Variants in CELSR2 observed in about 807,000 individuals in gnomAD.
CELSR2 encodes the protein cadherin EGF LAG seven-pass G-type receptor 2.
Under a neutral mutation model 251.6 loss-of-function variants are expected in CELSR2, and 81 were observed. That is an observed-to-expected ratio of 0.32 (90% CI 0.27 to 0.39). The LOEUF is 0.39. Ranked by LOEUF, CELSR2 falls within the 10% of genes least tolerant of loss-of-function variation. The pLI is 1.00. For missense variants in CELSR2, 3,365 were observed against 3,947.7 expected (o/e 0.85, Z 3.96); for synonymous variants, 1,721 against 1,670.5 (o/e 1.03, Z -0.74).
chr1:109,258,067 A>AT (rs1478264016), intron 1 of CELSR2, among the ~76,000 whole-genome samples: 1 of 151,958 alleles, frequency 6.6e-6, no homozygotes, highest in African/African-American at 2.4e-5. Context: ...CAGGGGGATG[A>AT]TTTTTGTGGG....
At chr1:109,268,331 CAT>C (rs1426453375) in intron 17 of CELSR2, among the ~76,000 whole-genome samples, 4 of 152,314 alleles carry the variant, frequency 2.6e-5, no homozygotes, top group Non-Finnish European at 4.4e-5. Context: ...TATCTCAGGA[CAT>C]GTGTGTGGGT....
At chr1:109,263,517 T>C in intron 8 of CELSR2, 94 bp from the exon 9 acceptor site, 1 of 1,522,470 alleles carries the variant, frequency 6.6e-7, no homozygotes, top group African/African-American at 1.4e-5. Context: ...GGGAGTGGGC[T>C]CTGCCTCCCG....
At chr1:109,255,091 A>T (rs1040506344) in intron 1 of CELSR2, among the ~76,000 whole-genome samples, 1 of 152,028 alleles carries the variant, frequency 6.6e-6, no homozygotes, top group African/African-American at 2.4e-5. Flanking sequence ...AACATCCAGG[A>T]CGGCTCCTCC....
intron 13 of CELSR2, 138 bp from the exon 14 acceptor site, chr1:109,265,597 G>T: frequency 9.5e-7 from 1 of 1,053,430 alleles, no homozygotes; most frequent in Non-Finnish European, 1.4e-6. Context: ...AGCATTGCTA[G>T]TGTTAATTAT....
Position 109,274,293 on chromosome 1 carries a change from C to T in CELSR2, c.*244C>T. The T allele has an allele frequency of 1.2e-6, 1 of 860,952 alleles. No homozygotes were observed. Among genetic ancestry groups the T allele is most frequent in the South Asian group, 2.4e-5 (1 of 41,428 alleles). The allele number at this position is 860,952 out of a possible 1,614,324, so 53.3% of individuals were successfully genotyped here. On this transcript the variant is annotated 3_prime_UTR_variant, in exon 34 of 34. Transcript: ENST00000271332. The stretch of plus-strand genomic sequence containing the variant: ...CTTTGGACCCCTGGGGCCAACATCT[C>T]CAAGACAAAGTTTTTCAGAAAAGAG...
At chr1:109,271,337 C>G in intron 26 of CELSR2, 41 bp downstream of exon 26, 2 of 1,613,802 alleles carry the variant, frequency 1.2e-6, no homozygotes, top group South Asian at 2.2e-5. Flanking sequence ...GGGCAGGCAC[C>G]AGCATGGGAG....
chr1:109,261,724 G>T lies in CELSR2; in HGVS notation c.4298-84G>T. 6.5e-7 allele frequency: 1 copy of T among 1,547,912 alleles called. No homozygotes were observed. The highest frequency in any genetic ancestry group is 8.9e-7 in the Non-Finnish European group (1 of 1,129,562). On this transcript the variant is annotated intron_variant, in intron 4 of 33. Coordinates refer to ENST00000271332, the MANE Select transcript of CELSR2 (RefSeq NM_001408.3). The surrounding 1 kb of genome is among the most constrained non-coding windows in gnomAD (Gnocchi z 4.8). ...CCACATACTCTATCAGCCAAATCTG[G>T]GCCCAGCCCCAGCCACTGGCACCCC...
chr1:109,249,542 G>A lies in CELSR2; in HGVS notation c.-538G>A, dbSNP rs1655609714. ...AATGAGCCGCCGCCGCGACTCTGCA[G>A]AGCTCGCCCGCCCGCCGGGGAGGCG... On this transcript the variant is annotated 5_prime_UTR_variant, in exon 1 of 34. Transcript: ENST00000271332. 6.6e-6 allele frequency among the ~76,000 whole-genome samples: 1 copy of A among 150,870 alleles called. No individual in the cohort carries two copies.
Position 109,263,241 on chromosome 1 carries a change from G to A in CELSR2, c.4808G>A (p.Gly1603Asp). The part of the protein sequence containing the change: ...WDAFSCECPL[G>D]FGGKSCAQEM... ...GCGTTCAGCTGCGAGTGCCCCCTGG[G>A]CTTTGGGGGCAAGAGCTGCGCCCAG... is the stretch of plus-strand genomic sequence containing the variant. The change falls in exon 8 of 34, where the codon GGC (glycine) becomes GAC (aspartate). Residue 1603 changes from glycine to aspartate, a missense_variant. By Grantham distance (94) the Gly-to-Asp change is moderately conservative. Coordinates refer to ENST00000271332, the MANE Select transcript of CELSR2 (RefSeq NM_001408.3). 1 of 1,586,354 alleles carries A rather than the reference G, an allele frequency of 6.3e-7. No individual in the cohort carries two copies. Among genetic ancestry groups the A allele is most frequent in the South Asian group, 1.1e-5 (1 of 90,036 alleles).
rs1287776706 is a variant in CELSR2 at position 109,265,903 on chromosome 1, A to G, written c.5896A>G (p.Thr1966Ala). 3 of 1,612,184 alleles carry G rather than the reference A, an allele frequency of 1.9e-6. No homozygotes were observed. The African/African-American group carries it at 4.0e-5, about 22-fold the overall frequency. The change falls in exon 14 of 34, where the codon ACC (threonine) becomes GCC (alanine). Residue 1966 changes from threonine (T) to alanine (A), a missense_variant. By Grantham distance (58) the Thr-to-Ala change is moderately conservative (BLOSUM62 0). Transcript: ENST00000271332. ...TGACAACCCTTTTGCTGAGGTCACCACCAATGGCTGTGAAGGTGGGGCTCC... is the reference window on the plus strand; with the variant it reads ...TGACAACCCTTTTGCTGAGGTCACCGCCAATGGCTGTGAAGGTGGGGCTCC... ...RCDNPFAEVTTNGCEVNYDSC... is the reference protein window; with the variant it reads ...RCDNPFAEVTANGCEVNYDSC...
Position 109,250,068 on chromosome 1 carries a change from G to GC in CELSR2, c.-12_-11insC. The GC allele has an allele frequency of 7.2e-7, 1 of 1,394,350 alleles. No homozygotes were observed. The highest frequency in any genetic ancestry group is 1.6e-5 in the South Asian group (1 of 62,060). 86.4% of individuals were successfully genotyped at this position (1,394,350 alleles called of 1,614,324 possible). A position where few individuals can be genotyped will look rare whatever the true frequency, so the allele number is the denominator to read the frequency against. ...CGCCGTTGACCCGGCCGCCGGCCGGGAGCTGGGAGAGATGCGGAGCCCGGC... is the reference window on the plus strand; with the variant it reads ...CGCCGTTGACCCGGCCGCCGGCCGGGCAGCTGGGAGAGATGCGGAGCCCGGC... On this transcript the variant is annotated 5_prime_UTR_variant, in exon 1 of 34. Coordinates refer to ENST00000271332, the MANE Select transcript of CELSR2 (RefSeq NM_001408.3). The surrounding 1 kb of genome is among the most constrained non-coding windows in gnomAD (Gnocchi z 4.4).
In CELSR2 at chr1:109,261,056, G is replaced by A; in HGVS notation, c.3973G>A (p.Val1325Met). The part of the protein sequence containing the change: ...RDGYTGEHCE[V>M]SARSGRCTPG... ...CTCTTGTCCAGGTGAGCACTGTGAG[G>A]TGAGTGCTCGCTCAGGCCGTTGCAC... is the stretch of plus-strand genomic sequence containing the variant. The change falls in exon 3 of 34, where the codon GTG becomes ATG. Residue 1325 changes from valine to methionine, a missense_variant. By Grantham distance (21) the Val-to-Met change is conservative. This residue lies in a region of CELSR2 where 2,093 missense variants were observed against 2,382.8 expected (regional missense o/e 0.88). Coordinates refer to ENST00000271332, the MANE Select transcript of CELSR2 (RefSeq NM_001408.3). This position sits in a 1 kb window ranked among gnomAD's most constrained non-coding sequence, Gnocchi z 4.8. 2.5e-6 allele frequency: 4 copies of A among 1,612,210 alleles called. No homozygotes were observed. Among genetic ancestry groups the A allele is most frequent in the Non-Finnish European group, 3.4e-6 (4 of 1,178,784 alleles).
chr1:109,273,724 G>C, intron 33 of CELSR2, 54 bp downstream of exon 33: 1 of 1,368,094 alleles, frequency 7.3e-7, no homozygotes. Context: ...GGCCTCACCT[G>C]GGCCCAGAGC....
chr1:109,251,041 A>G lies in CELSR2; in HGVS notation c.962A>G (p.Asn321Ser). 7 of 1,613,430 alleles carry G rather than the reference A, an allele frequency of 4.3e-6. No homozygotes were observed. The highest frequency in any genetic ancestry group is 5.9e-6 in the Non-Finnish European group (7 of 1,179,926). Residue 321 changes from asparagine to serine, a missense_variant, in exon 1 of 34, where the codon AAT becomes AGT. This residue lies in a region of CELSR2 where 704 missense variants were observed against 784.1 expected (regional missense o/e 0.90). Coordinates refer to ENST00000271332, the MANE Select transcript of CELSR2 (RefSeq NM_001408.3). This position sits in a 1 kb window ranked among gnomAD's most constrained non-coding sequence, Gnocchi z 4.9. ...GCCACGGATGGTGATGCCCCTCCCA[A>G]TGCCAATATTCTGTACCGCCTGCTG... Reference protein sequence around the residue: ...VRATDGDAPPNANILYRLLEG... With the variant: ...VRATDGDAPPSANILYRLLEG...
Position 109,262,277 on chromosome 1 carries a change from C to G in CELSR2, c.4387-10C>G. ...CAGTGTCCCCCTTCTCTGCTCTTTCCTGTCCACAGCCACTGTTGGGTCAGA... is the reference window on the plus strand; with the variant it reads ...CAGTGTCCCCCTTCTCTGCTCTTTCGTGTCCACAGCCACTGTTGGGTCAGA... On this transcript the variant is annotated splice_polypyrimidine_tract_variant and intron_variant, in intron 5 of 33. Transcript: ENST00000271332. 1 of 1,613,222 alleles carries G rather than the reference C, an allele frequency of 6.2e-7. No individual in the cohort carries two copies. The highest frequency in any genetic ancestry group is 1.7e-5 in the Admixed American group (1 of 60,002).
Position 109,264,903 on chromosome 1 carries a change from C to T in CELSR2, c.5500C>T (p.Leu1834=). ...TGACAACTGTACTAATGTGTGTGAC[C>T]TGAACCCGTGTGAGCACCAGTCTGT... ...YGDNCTNVCD[L]NPCEHQSVCT... is the part of the protein sequence containing the mutation. The change falls in exon 12 of 34, where the codon CTG becomes TTG. Residue 1834 remains leucine, a synonymous_variant. Transcript: ENST00000271332. 6.2e-7 allele frequency: 1 copy of T among 1,614,206 alleles called. No homozygotes were observed. The highest frequency in any genetic ancestry group is 8.5e-7 in the Non-Finnish European group (1 of 1,180,034).
At chr1:109,264,423 C>T in intron 10 of CELSR2, 31 bp from the exon 11 acceptor site, 1 of 1,600,550 alleles carries the variant, frequency 6.2e-7, no homozygotes, top group Admixed American at 1.7e-5. Context: ...CCCCGCTCCA[C>T]TGAGGGCAAC....
In CELSR2 at chr1:109,249,733, G is replaced by A. The variant is rs1176648894; in HGVS notation, c.-347G>A. 6.7e-6 allele frequency among the ~76,000 whole-genome samples: 1 copy of A among 149,122 alleles called. No homozygotes were observed. The highest frequency in any genetic ancestry group is 1.5e-5 in the Non-Finnish European group (1 of 66,958). On this transcript the variant is annotated 5_prime_UTR_variant, in exon 1 of 34. Transcript: ENST00000271332. Reference sequence around the variant, plus strand: ...GTGGGCGATCCCATAGGGGCGGAGGGGGCACCCCGGCTCCGGAACCCGGGG... The same window carrying A: ...GTGGGCGATCCCATAGGGGCGGAGGAGGCACCCCGGCTCCGGAACCCGGGG...
At chr1:109,260,184 AG>A (rs1296580265) in intron 2 of CELSR2, among the ~76,000 whole-genome samples, 2,271 of 47,410 alleles carry the variant, frequency 0.048, 21 homozygotes, top group Non-Finnish European at 0.056. Flanking sequence ...GGGGGTTGGG[AG>A]GGGGGGGGTT....
Sources: allele counts gnomAD v4.1 joint callset (sites outside exome capture counted in the v4.1 genomes callset), GRCh38; gene constraint gnomAD v4.1.1; regional missense constraint gnomAD v4.1.1; non-coding constraint Gnocchi (gnomAD v3.1); transcripts MANE v1.5; gene names NCBI Gene and HGNC (gene_info 2026-07-23, HGNC 2026-07-21).